Variants in USP3 observed in about 807,000 individuals in gnomAD.
The protein encoded by USP3 is ubiquitin carboxyl-terminal hydrolase 3.
Under a neutral mutation model 72.3 loss-of-function variants are expected in USP3, and 20 were observed. The ratio of observed to expected loss-of-function variants is 0.28; its 90% CI spans 0.19 to 0.40. The LOEUF is 0.40. USP3 is among the 10% of genes least tolerant of loss of function. The pLI is 1.00. For missense variants in USP3, 479 were observed against 633.9 expected (o/e 0.76, Z 2.62); for synonymous variants, 222 against 225.3 (o/e 0.99, Z 0.13).
At chr15:63,589,037 G>A in intron 14 of USP3, 26 bp downstream of exon 14, 2 of 1,612,446 alleles carry the variant, frequency 1.2e-6, no homozygotes, top group Non-Finnish European at 1.7e-6. Context: ...AGCTTCTGGT[G>A]GGTGGGAATA....
chr15:63,565,908 G>C (rs2066682512), intron 8 of USP3, among the ~76,000 whole-genome samples: 1 of 152,204 alleles, frequency 6.6e-6, no homozygotes, highest in Non-Finnish European at 1.5e-5. Flanking sequence ...CTGTAATTTT[G>C]ATAGTCTTTT....
rs201119432 is a variant in USP3, at chr15:63,537,150, C to T, written c.278C>T (p.Thr93Ile). Residue 93 changes from threonine to isoleucine, a missense_variant, in exon 3 of 15, where the codon ACA becomes ATA. By Grantham distance (89) the Thr-to-Ile change is moderately conservative. Transcript: ENST00000380324. ...TGTATGGATTGCAGTAGCTACAGTACATACTGGTAAGTTAACATTTTCTGG... is the reference window on the plus strand; with the variant it reads ...TGTATGGATTGCAGTAGCTACAGTATATACTGGTAAGTTAACATTTTCTGG... Reference protein sequence around the residue: ...TVCMDCSSYSTYCYRCDDFVV... With the variant: ...TVCMDCSSYSIYCYRCDDFVV... 176 of 1,610,798 alleles carry T rather than the reference C, an allele frequency of 1.1e-4. No individual in the cohort carries two copies. The highest frequency in any genetic ancestry group is 1.1e-4 in the Non-Finnish European group (134 of 1,179,028).
intron 3 of USP3, chr15:63,551,155 T>G (rs1376851702): frequency 1.3e-5 from 2 of 152,256 alleles, no homozygotes; most frequent in Non-Finnish European, 2.9e-5. Context: ...CCAGTTCATA[T>G]TAAATTGAAA....
At chr15:63,520,387 A>T (rs2152652613) in intron 1 of USP3, among the ~76,000 whole-genome samples, 1 of 152,252 alleles carries the variant, frequency 6.6e-6, no homozygotes, top group South Asian at 2.1e-4. Flanking sequence ...TTGTAAAGAA[A>T]ACCCCTTATA....
Position 63,590,665 on chromosome 15 carries a change from G to A in USP3, c.1402G>A (p.Gly468Ser). Reference sequence around the variant, plus strand: ...TTTGGTCTTTTGCCTTTACAGGGTTGGTTCTGGACATTACACAGCATACGC... The same window carrying A: ...TTTGGTCTTTTGCCTTTACAGGGTTAGTTCTGGACATTACACAGCATACGC... ...AVVVHHGSGV[G>S]SGHYTAYATH... The change falls in exon 15 of 15, where the codon GGT (glycine) becomes AGT (serine). Residue 468 changes from glycine (G) to serine (S), a missense_variant. Transcript: ENST00000380324. 1 of 1,578,458 alleles carries A rather than the reference G, an allele frequency of 6.3e-7. No individual in the cohort carries two copies. Among genetic ancestry groups the A allele is most frequent in the Non-Finnish European group, 8.6e-7 (1 of 1,163,004 alleles).
In USP3 at chr15:63,544,727, G is replaced by A; in HGVS notation, c.284+7571G>A. The A allele has an allele frequency of 1.4e-6, 1 of 702,054 alleles. No individual in the cohort carries two copies. The highest frequency in any genetic ancestry group is 2.6e-6 in the Non-Finnish European group (1 of 384,730). 43.5% of individuals were successfully genotyped at this position (702,054 alleles called of 1,614,324 possible). A position where few individuals can be genotyped will look rare whatever the true frequency, so the allele number is the denominator to read the frequency against. On this transcript the variant is annotated intron_variant, in intron 3 of 14. Coordinates refer to ENST00000380324, the MANE Select transcript of USP3 (RefSeq NM_006537.4). This position sits in a 1 kb window ranked among gnomAD's most constrained non-coding sequence, Gnocchi z 4.2. ...ATAGTGCGAAATGGAAAATACCGAG[G>A]GGTAAGAGAGTTCATGGTATATGGG...
intron 8 of USP3, among the ~76,000 whole-genome samples, chr15:63,566,437 C>T (rs2066692974): frequency 6.6e-6 from 1 of 151,884 alleles, no homozygotes; most frequent in South Asian, 2.1e-4. Context: ...CTCAGCCTCT[C>T]AAGTAGCTGG....
In USP3 at chr15:63,570,965, GTGAACTTTCCTAAAGCTTCATTATGGACT is replaced by G. The variant is rs2066769503; in HGVS notation, c.908+402_908+430del. On this transcript the variant is annotated intron_variant, in intron 9 of 14. Coordinates refer to ENST00000380324, the MANE Select transcript of USP3 (RefSeq NM_006537.4). This position sits in a 1 kb window ranked among gnomAD's most constrained non-coding sequence, Gnocchi z 4.4. ...AACAAAAGCTTAAAACATTTTGAAT[GTGAACTTTCCTAAAGCTTCATTATGGACT>G]TGAACTTTCCTAAAGTTTATCTGTT... Among the ~76,000 whole-genome samples the G allele has an allele frequency of 6.6e-6, 1 of 152,202 alleles. No homozygotes were observed. Among genetic ancestry groups the G allele is most frequent in the Non-Finnish European group, 1.5e-5 (1 of 68,030 alleles).
chr15:63,584,188 C>T (rs1310554790), intron 11 of USP3, among the ~76,000 whole-genome samples: 5 of 151,144 alleles, frequency 3.3e-5, no homozygotes, highest in East Asian at 1.9e-4. Flanking sequence ...ACCTCCACCT[C>T]CCAGGTTCAC....
In USP3 at chr15:63,532,400, ACGTGGTT is replaced by A. The variant is rs2066090018; in HGVS notation, c.92-246_92-240del. On this transcript the variant is annotated intron_variant, in intron 1 of 14. Transcript: ENST00000380324. ...AAGGAGACAAGTGTATATGTGTTTA[ACGTGGTT>A]AAGCTATTTGGGTTGAGTCAGCAAT... is the stretch of plus-strand genomic sequence containing the variant. The A allele has an allele frequency of 3.3e-5, 19 of 569,412 alleles. No homozygotes were observed. The South Asian group carries it at 3.6e-4, about 11-fold the overall frequency. The allele number at this position is 569,412 out of a possible 1,614,324, so 35.3% of individuals were successfully genotyped here.
chr15:63,549,648 A>G (rs535765089), intron 3 of USP3, among the ~76,000 whole-genome samples: 5 of 152,316 alleles, frequency 3.3e-5, no homozygotes, highest in East Asian at 1.9e-4. Context: ...AAAATCTTCA[A>G]TTTTAACGTA....
intron 1 of USP3, among the ~76,000 whole-genome samples, chr15:63,521,387 A>G (rs2152653354): frequency 6.6e-6 from 1 of 152,332 alleles, no homozygotes; most frequent in South Asian, 2.1e-4. Flanking sequence ...AGGGAAGAAC[A>G]CACAAAAAAA....
chr15:63,526,233 T>C (rs2065979916), intron 1 of USP3, among the ~76,000 whole-genome samples: 1 of 152,194 alleles, frequency 6.6e-6, no homozygotes, highest in African/African-American at 2.4e-5. Context: ...CAGAAACACA[T>C]AGCATGTTAT....
chr15:63,512,563 G>A (rs1487286405), intron 1 of USP3, among the ~76,000 whole-genome samples: 1 of 151,932 alleles, frequency 6.6e-6, no homozygotes, highest in Non-Finnish European at 1.5e-5. Flanking sequence ...TCCTGCTTCA[G>A]CCTCCCAAGT....
chr15:63,591,007 A>G lies in USP3; in HGVS notation c.*181A>G, dbSNP rs2067188392. 3.1e-6 allele frequency: 2 copies of G among 655,098 alleles called. No homozygotes were observed. The highest frequency in any genetic ancestry group is 4.6e-6 in the Non-Finnish European group (2 of 436,412). The allele number at this position is 655,098 out of a possible 1,614,324, so 40.6% of individuals were successfully genotyped here. A position where few individuals can be genotyped will look rare whatever the true frequency, so the allele number is the denominator to read the frequency against. On this transcript the variant is annotated 3_prime_UTR_variant, in exon 15 of 15. Coordinates refer to ENST00000380324, the MANE Select transcript of USP3 (RefSeq NM_006537.4). Reference sequence around the variant, plus strand: ...CAACTAATTTTGTTGTTGTTCTACCAGAAAACCTCAGCAGATGTTTTGATT... The same window carrying G: ...CAACTAATTTTGTTGTTGTTCTACCGGAAAACCTCAGCAGATGTTTTGATT...
At chr15:63,545,447 AC>A (rs935220415) in intron 3 of USP3, among the ~76,000 whole-genome samples, 1 of 152,138 alleles carries the variant, frequency 6.6e-6, no homozygotes, top group African/African-American at 2.4e-5. Context: ...ATCTTTACAT[AC>A]CCAAGATGAT....
At chr15:63,561,288 C>G (rs1171761851) in intron 7 of USP3, among the ~76,000 whole-genome samples, 1 of 152,124 alleles carries the variant, frequency 6.6e-6, no homozygotes, top group Non-Finnish European at 1.5e-5. Flanking sequence ...GGTTGAGTTG[C>G]AGGCTGTAGA....
intron 3 of USP3, among the ~76,000 whole-genome samples, chr15:63,546,276 G>A (rs2066326403): frequency 6.6e-6 from 1 of 152,090 alleles, no homozygotes. Flanking sequence ...AAATACTATG[G>A]ATTTCAGCTA....
chr15:63,580,648 ATATGAATATATAATATATATATGAAT>A (rs1484226022), intron 11 of USP3, among the ~76,000 whole-genome samples: 3 of 62,366 alleles, frequency 4.8e-5, no homozygotes, highest in Non-Finnish European at 1.1e-4. Flanking sequence ...GTGCATATAT[ATATGAATATATAATATATATATGAAT>A]ATATAATATA....
Sources: gnomAD v4.1 joint callset for allele counts (sites outside exome capture counted in the v4.1 genomes callset) on GRCh38, gnomAD v4.1.1 for gene constraint, Gnocchi (gnomAD v3.1) non-coding constraint, MANE v1.5 for transcripts, NCBI Gene and HGNC (gene_info 2026-07-23, HGNC 2026-07-21) for gene names.